EXOC5: variants seen among roughly 807,000 people sequenced by gnomAD.
The protein encoded by EXOC5 is exocyst complex component 5.
EXOC5 carries 17 observed loss-of-function variants against 90.8 expected under a neutral mutation model. That is an observed-to-expected ratio of 0.19 (90% confidence interval 0.13 to 0.28). The LOEUF (loss-of-function observed/expected upper bound fraction) is 0.28. Ranked by LOEUF, EXOC5 falls within the 10% of genes least tolerant of loss-of-function variation. The probability of loss-of-function intolerance (pLI) is 1.00; values close to 1 mark genes in which losing one functional copy is unlikely to be tolerated. For synonymous variants in EXOC5, 260 were observed against 270.0 expected (o/e 0.96, Z 0.36); for missense variants, 569 against 830.6 (o/e 0.69, Z 3.87).
chr14:57,242,888 C>T (rs995227072), intron 4 of EXOC5, among the ~76,000 whole-genome samples: 15 of 152,144 alleles, frequency 9.9e-5, no homozygotes, highest in Non-Finnish European at 2.1e-4. Flanking sequence ...AAATATGGTA[C>T]GTTTACACCA....
intron 15 of EXOC5, among the ~76,000 whole-genome samples, chr14:57,211,887 A>G (rs1206272556): frequency 1.3e-5 from 2 of 151,982 alleles, no homozygotes; most frequent in Non-Finnish European, 2.9e-5. Flanking sequence ...GTTCTGAGAC[A>G]GGGTCTCACT....
intron 5 of EXOC5, 57 bp downstream of exon 5, chr14:57,239,538 A>C: frequency 1.0e-6 from 1 of 971,552 alleles, no homozygotes; most frequent in Non-Finnish European, 1.5e-6. Flanking sequence ...AAAAGATACT[A>C]TTTTATTTTA....
chr14:57,211,942 C>G (rs1457446106), intron 15 of EXOC5, among the ~76,000 whole-genome samples: 5 of 152,330 alleles, frequency 3.3e-5, no homozygotes, highest in South Asian at 2.1e-4. Context: ...TCACTGCAGC[C>G]TGGACCTACC....
intron 15 of EXOC5, among the ~76,000 whole-genome samples, chr14:57,212,395 A>T (rs182045995): frequency 1.2e-4 from 18 of 152,236 alleles, no homozygotes; most frequent in African/African-American, 3.9e-4. Flanking sequence ...TTTTGTTAGC[A>T]TAACGGTGGA....
intron 7 of EXOC5, among the ~76,000 whole-genome samples, chr14:57,234,302 T>C (rs1883582950): frequency 6.6e-6 from 1 of 151,834 alleles, no homozygotes; most frequent in Non-Finnish European, 1.5e-5. Context: ...AGTATGTAAC[T>C]GAGTTCTTTA....
At chr14:57,234,374 C>T (rs1883585546) in intron 7 of EXOC5, among the ~76,000 whole-genome samples, 1 of 151,152 alleles carries the variant, frequency 6.6e-6, no homozygotes, top group African/African-American at 2.4e-5. Context: ...CACCCACTCA[C>T]ACCCACCCAC....
rs563928243 is a variant in EXOC5, at chr14:57,255,810, C to T, written c.28-8098G>A. Among the ~76,000 whole-genome samples, 12 of 145,984 alleles carry T rather than the reference C, an allele frequency of 8.2e-5. 1 individual carries two copies. In the South Asian group the frequency reaches 1.3e-3, roughly 16 times the overall value. ...TCACACCACTGTACTCCAGCCTGGG[C>T]GACTGAGCAAGACTCCGTCTCCAAA... On this transcript the variant is annotated intron_variant, in intron 1 of 17. Coordinates refer to ENST00000621441, the MANE Select transcript of EXOC5 (RefSeq NM_006544.4).
rs1184874908 is a variant in EXOC5, at chr14:57,262,724, T to C, written c.27+5898A>G. Among the ~76,000 whole-genome samples, 3 of 108,982 alleles carry C rather than the reference T, an allele frequency of 2.8e-5. No individual in the cohort carries two copies. The East Asian group carries it at 6.7e-4, about 24-fold the overall frequency. The allele number at this position is 108,982 out of a possible 152,430, so 71.5% of individuals were successfully genotyped here. On this transcript the variant is annotated intron_variant, in intron 1 of 17. Transcript: ENST00000621441. Reference sequence around the variant, plus strand: ...ATATATATGTATATATATGTGTGTGTATATATACGTATATATGTGTGTGTG... The same window carrying C: ...ATATATATGTATATATATGTGTGTGCATATATACGTATATATGTGTGTGTG...
At chr14:57,243,278 T>A (rs1883926890) in intron 4 of EXOC5, 1 of 152,214 alleles carries the variant, frequency 6.6e-6, no homozygotes, top group Admixed American at 6.5e-5. Flanking sequence ...TTAGAGGAAT[T>A]ATCTGTACAC....
intron 11 of EXOC5, 64 bp downstream of exon 11, chr14:57,231,442 C>A: frequency 1.8e-6 from 2 of 1,094,606 alleles, no homozygotes; most frequent in Non-Finnish European, 2.6e-6. Flanking sequence ...TGATAATTTG[C>A]CCAAATATAA....
At chr14:57,258,369 A>T (rs1464843482) in intron 1 of EXOC5, among the ~76,000 whole-genome samples, 1 of 152,218 alleles carries the variant, frequency 6.6e-6, no homozygotes. Context: ...ATGCAGCCAT[A>T]AAAAAGGATG....
chr14:57,249,471 G>A (rs774664768), intron 1 of EXOC5, among the ~76,000 whole-genome samples: 2 of 148,956 alleles, frequency 1.3e-5, no homozygotes, highest in Non-Finnish European at 2.9e-5. Context: ...CTTATAAATA[G>A]CAGGTATTTA....
At position 57,205,859 on chromosome 14, in the gene EXOC5, A is replaced by G. The variant is rs1046079822; in HGVS notation, c.*2750T>C. 5 of 455,866 alleles carry G rather than the reference A, an allele frequency of 1.1e-5. No individual in the cohort carries two copies. The highest frequency in any genetic ancestry group is 2.2e-5 in the Non-Finnish European group (5 of 226,592). The allele number at this position is 455,866 out of a possible 1,614,324, so 28.2% of individuals were successfully genotyped here. Reference sequence around the variant, plus strand: ...ACAAGGAAGATCCTAAGGACTTGCAACTATGGCAATCCTCAAAATGGGACC... The same window carrying G: ...ACAAGGAAGATCCTAAGGACTTGCAGCTATGGCAATCCTCAAAATGGGACC... On this transcript the variant is annotated 3_prime_UTR_variant, in exon 18 of 18. Transcript: ENST00000621441.
intron 5 of EXOC5, among the ~76,000 whole-genome samples, chr14:57,238,361 T>TAC (rs1190958646): frequency 2.9e-4 from 21 of 71,562 alleles, no homozygotes; most frequent in African/African-American, 9.9e-4. Context: ...TATATATATA[T>TAC]ATATATATAT....
chr14:57,233,572 G>GT (rs575189836), intron 9 of EXOC5, among the ~76,000 whole-genome samples, 171 bp downstream of exon 9: 57 of 152,104 alleles, frequency 3.7e-4, no homozygotes, highest in African/African-American at 1.3e-3. Flanking sequence ...TTTCTTCTTG[G>GT]TGAATACAAA....
chr14:57,263,303 C>A (rs972650378), intron 1 of EXOC5, among the ~76,000 whole-genome samples: 9 of 151,878 alleles, frequency 5.9e-5, no homozygotes, highest in Admixed American at 2.0e-4. Flanking sequence ...AGACCCCGTC[C>A]CTACAAAAAA....
intron 4 of EXOC5, among the ~76,000 whole-genome samples, chr14:57,243,869 A>G (rs1223813567): frequency 6.6e-6 from 1 of 152,214 alleles, no homozygotes; most frequent in Non-Finnish European, 1.5e-5. Flanking sequence ...TTCTGTTAAT[A>G]TTGAAAGAAA....
At chr14:57,250,745 T>C (rs1884164855) in intron 1 of EXOC5, among the ~76,000 whole-genome samples, 1 of 152,186 alleles carries the variant, frequency 6.6e-6, no homozygotes, top group South Asian at 2.1e-4. Flanking sequence ...AGAACTATTA[T>C]AATGAGGAAG....
At chr14:57,250,264 T>C (rs1427841114) in intron 1 of EXOC5, among the ~76,000 whole-genome samples, 1 of 152,056 alleles carries the variant, frequency 6.6e-6, no homozygotes, top group Non-Finnish European at 1.5e-5. Context: ...CAGGGGAGAA[T>C]AATTGTGGAT....
Sources: gnomAD v4.1 joint callset for allele counts (sites outside exome capture counted in the v4.1 genomes callset) on GRCh38, gnomAD v4.1.1 for gene constraint, MANE v1.5 for transcripts, NCBI Gene and HGNC (gene_info 2026-07-23, HGNC 2026-07-21) for gene names.